The following EIF4ENIF1 variants were observed in gnomAD, a reference collection of about 807,000 sequenced individuals.
EIF4ENIF1 encodes eukaryotic translation initiation factor 4E transporter.
In EIF4ENIF1, 23 loss-of-function variants were observed where a neutral mutation model predicts 110.5. The ratio of observed to expected loss-of-function variants is 0.21; its 90% CI spans 0.15 to 0.29. The LOEUF (loss-of-function observed/expected upper bound fraction) is 0.29. Among genes scored for constraint, EIF4ENIF1 ranks in the 10% least tolerant of loss-of-function variants. The pLI, the probability that EIF4ENIF1 is intolerant of heterozygous loss-of-function variation, is 1.00. For missense variants in EIF4ENIF1, 1,031 were observed against 1,221.1 expected (o/e 0.84, Z 2.32); for synonymous variants, 440 against 437.0 (o/e 1.01, Z -0.09).
chr22:31,476,972 C>A (rs1175769412), intron 2 of EIF4ENIF1, among the ~76,000 whole-genome samples: 4 of 147,844 alleles, frequency 2.7e-5, no homozygotes, highest in African/African-American at 1.0e-4. Context: ...TTGAGGGAGA[C>A]CCTGTCTCAA....
At chr22:31,470,064 T>C (rs897351291) in intron 3 of EIF4ENIF1, among the ~76,000 whole-genome samples, 1 of 146,908 alleles carries the variant, frequency 6.8e-6, no homozygotes, top group Non-Finnish European at 1.5e-5. Context: ...CTCGGGAGGC[T>C]GAGGCAGGAG....
chr22:31,458,871 G>A (rs2050906834), intron 6 of EIF4ENIF1, among the ~76,000 whole-genome samples: 1 of 151,864 alleles, frequency 6.6e-6, no homozygotes, highest in Admixed American at 6.6e-5. Flanking sequence ...GGGATGTGGG[G>A]AGGATTATGG....
downstream of EIF4ENIF1, among the ~76,000 whole-genome samples, chr22:31,438,087 G>A (rs1408647785): frequency 6.6e-6 from 1 of 152,148 alleles, no homozygotes; most frequent in Non-Finnish European, 1.5e-5. Flanking sequence ...TCAAGACTTA[G>A]GCTGCCCAAG....
At chr22:31,438,470 A>C (rs1481130072), downstream of EIF4ENIF1, among the ~76,000 whole-genome samples, 1 of 152,208 alleles carries the variant, frequency 6.6e-6, no homozygotes, top group Non-Finnish European at 1.5e-5. Flanking sequence ...CAGAACTCTG[A>C]GCTTAGAGAA....
At chr22:31,440,984 A>C in intron 17 of EIF4ENIF1, 116 bp from the exon 18 acceptor site, 2 of 1,381,404 alleles carry the variant, frequency 1.4e-6, no homozygotes, top group Non-Finnish European at 9.9e-7. Context: ...GGCTCTGCGC[A>C]GTGGCTCACG....
chr22:31,493,126 T>C (rs537205438), upstream of EIF4ENIF1, among the ~76,000 whole-genome samples: 87 of 148,338 alleles, frequency 5.9e-4, no homozygotes, highest in African/African-American at 2.1e-3. Context: ...CTCTGCCCCC[T>C]GGGTTCAGGC....
intron 8 of EIF4ENIF1, among the ~76,000 whole-genome samples, 183 bp downstream of exon 8, chr22:31,455,669 A>G (rs547762922): frequency 6.6e-6 from 1 of 152,332 alleles, no homozygotes; most frequent in South Asian, 2.1e-4. Context: ...AAGTGCTGGG[A>G]TTACAGGCGT....
chr22:31,453,889 GCATTAC>G (rs1366828134), intron 10 of EIF4ENIF1, among the ~76,000 whole-genome samples: 24 of 152,112 alleles, frequency 1.6e-4, no homozygotes, highest in Non-Finnish European at 3.5e-4. Flanking sequence ...AGTTATACAG[GCATTAC>G]CATTAAGACT....
chr22:31,448,090 T>TC, intron 13 of EIF4ENIF1, 63 bp downstream of exon 13: 1 of 1,561,402 alleles, frequency 6.4e-7, no homozygotes, highest in Non-Finnish European at 8.8e-7. Flanking sequence ...AGCTCTCCAC[T>TC]CCCCATGCAC....
chr22:31,442,907 A>G (rs1463495654), intron 16 of EIF4ENIF1, 55 bp downstream of exon 16: 5 of 1,602,362 alleles, frequency 3.1e-6, no homozygotes, highest in East Asian at 4.5e-5. Context: ...GCTCAGGCCC[A>G]TGTTTTCTCC....
At chr22:31,455,092 T>TA in intron 9 of EIF4ENIF1, 44 bp downstream of exon 9, 1 of 1,534,928 alleles carries the variant, frequency 6.5e-7, no homozygotes, top group Non-Finnish European at 8.8e-7. Flanking sequence ...ACTGAACATC[T>TA]AGACCTTTTC....
At chr22:31,441,574 G>C (rs202002258) in intron 17 of EIF4ENIF1, among the ~76,000 whole-genome samples, 200 bp downstream of exon 17, 1 of 89,862 alleles carries the variant, frequency 1.1e-5, no homozygotes, top group Non-Finnish European at 2.1e-5. Flanking sequence ...AAAAAAAAAA[G>C]AATCTTCAAG....
At chr22:31,466,361 C>T (rs1459511898) in intron 4 of EIF4ENIF1, among the ~76,000 whole-genome samples, 7 of 151,086 alleles carry the variant, frequency 4.6e-5, no homozygotes, top group East Asian at 2.0e-4. Context: ...TGCAGTGAGC[C>T]GAGATCGCGC....
chr22:31,471,783 A>C (rs2051388855), intron 3 of EIF4ENIF1, 61 bp downstream of exon 3: 1 of 1,386,212 alleles, frequency 7.2e-7, no homozygotes, highest in Non-Finnish European at 1.0e-6. Flanking sequence ...TAATTTACCA[A>C]GTTTGGTATA....
intron 3 of EIF4ENIF1, among the ~76,000 whole-genome samples, chr22:31,468,818 C>T (rs1465605891): frequency 1.3e-5 from 2 of 152,206 alleles, no homozygotes; most frequent in African/African-American, 4.8e-5. Context: ...CACCAACAGT[C>T]ACTTGAAAAC....
At chr22:31,450,261 A>C in intron 11 of EIF4ENIF1, 28 bp downstream of exon 11, 2 of 1,587,756 alleles carry the variant, frequency 1.3e-6, no homozygotes, top group Non-Finnish European at 8.6e-7. Flanking sequence ...TCAAGACTCC[A>C]AGGCCTCAGT....
intron 6 of EIF4ENIF1, 79 bp downstream of exon 6, chr22:31,462,853 G>A: frequency 6.8e-7 from 1 of 1,465,854 alleles, no homozygotes; most frequent in Non-Finnish European, 9.3e-7. Flanking sequence ...AAAGTGTTGG[G>A]ATTACAGGTG....
chr22:31,492,051 CAT>C (rs1244302002), upstream of EIF4ENIF1, among the ~76,000 whole-genome samples: 2 of 152,160 alleles, frequency 1.3e-5, no homozygotes, highest in Non-Finnish European at 2.9e-5. Flanking sequence ...TAAAAGCGTA[CAT>C]GTCTGGTGGT....
chr22:31,457,898 A>G (rs1327442504), intron 7 of EIF4ENIF1, among the ~76,000 whole-genome samples: 1 of 152,176 alleles, frequency 6.6e-6, no homozygotes, highest in Non-Finnish European at 1.5e-5. Flanking sequence ...AGTGTATCCA[A>G]AATATAAGCA....
Sources: gnomAD v4.1 joint callset for allele counts (sites outside exome capture counted in the v4.1 genomes callset) on GRCh38, gnomAD v4.1.1 for gene constraint, MANE v1.5 for transcripts, NCBI Gene and HGNC (gene_info 2026-07-23, HGNC 2026-07-21) for gene names.